The following FSHR variants were observed in gnomAD, a reference collection of about 807,000 sequenced individuals.
The protein encoded by FSHR is follicle-stimulating hormone receptor.
In FSHR, 46 loss-of-function variants were observed where a neutral mutation model predicts 52.1. The ratio of observed to expected loss-of-function variants is 0.88; its 90% confidence interval spans 0.70 to 1.13. The LOEUF is 1.13. Among genes scored for constraint, FSHR ranks in the 50% most tolerant of loss-of-function variants. The pLI, the probability that FSHR is intolerant of heterozygous loss-of-function variation, is 0.00. For missense variants in FSHR, 964 were observed against 834.6 expected (o/e 1.16, Z -1.91); for synonymous variants, 399 against 309.6 (o/e 1.29, Z -3.03).
Position 48,962,610 on chromosome 2 carries a change from A to G in FSHR, c.*123T>C. ...ATAGTTCCTGACCAATTTACCTTAA[A>G]GGTATGCCAGGAATATTAAATTAGA... On this transcript the variant is annotated 3_prime_UTR_variant, in exon 10 of 10. Transcript: ENST00000406846. 1.0e-6 allele frequency: 1 copy of G among 988,468 alleles called. No homozygotes were observed. The highest frequency in any genetic ancestry group is 1.4e-5 in the South Asian group (1 of 69,804). 61.2% of individuals were successfully genotyped at this position (988,468 alleles called of 1,614,324 possible).
chr2:48,989,579 C>T (rs904889486), intron 5 of FSHR, among the ~76,000 whole-genome samples: 4 of 152,190 alleles, frequency 2.6e-5, no homozygotes, highest in Admixed American at 2.6e-4. Flanking sequence ...CTGTGCATGG[C>T]TTACTTTTTT....
At chr2:49,105,342 C>T (rs1261428589) in intron 1 of FSHR, among the ~76,000 whole-genome samples, 1 of 152,044 alleles carries the variant, frequency 6.6e-6, no homozygotes, top group Non-Finnish European at 1.5e-5. Context: ...CCTTAGTTTT[C>T]TCCACCACCT....
intron 2 of FSHR, chr2:49,059,681 C>G (rs1316640231): frequency 6.6e-6 from 1 of 152,304 alleles, no homozygotes; most frequent in Non-Finnish European, 1.5e-5. Context: ...ACAGATGCCC[C>G]CTTTCACCTC....
intron 2 of FSHR, among the ~76,000 whole-genome samples, chr2:49,030,017 G>A (rs943269810): frequency 2.0e-5 from 3 of 152,170 alleles, no homozygotes; most frequent in Admixed American, 1.3e-4. Flanking sequence ...TTATGGCACT[G>A]CATCTTTGGG....
intron 1 of FSHR, among the ~76,000 whole-genome samples, chr2:49,115,337 T>G (rs1308863692): frequency 1.3e-5 from 2 of 152,064 alleles, no homozygotes; most frequent in African/African-American, 4.8e-5. Flanking sequence ...CACACCAAGG[T>G]CAAGGTCATT....
chr2:49,067,116 T>A (rs1669534699), intron 2 of FSHR, among the ~76,000 whole-genome samples: 2 of 152,068 alleles, frequency 1.3e-5, no homozygotes, highest in African/African-American at 2.4e-5. Flanking sequence ...TTTTTAAAAC[T>A]CCTCTCTTAA....
intron 1 of FSHR, among the ~76,000 whole-genome samples, chr2:49,096,087 C>T (rs1353585792): frequency 4.6e-5 from 7 of 152,142 alleles, no homozygotes; most frequent in African/African-American, 1.4e-4. Context: ...ACATTGAGTT[C>T]CCATATAATC....
Position 48,982,979 on chromosome 2 carries a change from T to C in FSHR, c.601A>G (p.Ser201Gly), listed in dbSNP as rs762364329. ...AATTCTTCTAAATTATTATTATCGCTTAGATTCCTGGGGATGGGGTTGAGG... is the reference window on the plus strand; with the variant it reads ...AATTCTTCTAAATTATTATTATCGCCTAGATTCCTGGGGATGGGGTTGAGG... Reference protein sequence around the residue: ...NGTQLDELNLSDNNNLEELPN... With the variant: ...NGTQLDELNLGDNNNLEELPN... The change falls in exon 8 of 10, where the codon AGC (serine) becomes GGC (glycine). Residue 201 changes from serine (S) to glycine (G), a missense_variant. Ser to Gly is a moderately conservative substitution (Grantham distance 56, BLOSUM62 0). Coordinates refer to ENST00000406846, the MANE Select transcript of FSHR (RefSeq NM_000145.4). The C allele has an allele frequency of 1.9e-6, 3 of 1,613,920 alleles. No homozygotes were observed. Among genetic ancestry groups the C allele is most frequent in the African/African-American group, 2.7e-5 (2 of 75,018 alleles).
At chr2:49,067,878 A>G (rs1669566670) in intron 2 of FSHR, among the ~76,000 whole-genome samples, 1 of 151,832 alleles carries the variant, frequency 6.6e-6, no homozygotes, top group South Asian at 2.1e-4. Context: ...ATTAATCATA[A>G]ATGGTAGAAA....
intron 1 of FSHR, among the ~76,000 whole-genome samples, chr2:49,146,933 C>T (rs1558467464): frequency 1.3e-5 from 2 of 152,002 alleles, no homozygotes; most frequent in Admixed American, 1.3e-4. Context: ...ACACAGGACT[C>T]TGTGATAACT....
intron 1 of FSHR, among the ~76,000 whole-genome samples, chr2:49,109,227 G>T (rs531262560): frequency 1.2e-4 from 19 of 152,158 alleles, no homozygotes; most frequent in Non-Finnish European, 2.4e-4. Context: ...ACTTTGATGA[G>T]ACTGGGAAGA....
intron 2 of FSHR, among the ~76,000 whole-genome samples, chr2:49,029,418 G>A (rs1187636954): frequency 6.6e-6 from 1 of 152,332 alleles, no homozygotes; most frequent in Non-Finnish European, 1.5e-5. Context: ...GGGTGTTAAG[G>A]TTAAGAAATT....
At chr2:48,969,559 C>T (rs1674638017) in intron 8 of FSHR, among the ~76,000 whole-genome samples, 1 of 148,914 alleles carries the variant, frequency 6.7e-6, no homozygotes, top group South Asian at 2.1e-4. Context: ...GACAAAAATC[C>T]TATGTGTACC....
chr2:49,072,745 G>A (rs1177857921), intron 1 of FSHR, among the ~76,000 whole-genome samples: 1 of 152,080 alleles, frequency 6.6e-6, no homozygotes, highest in Admixed American at 6.6e-5. Flanking sequence ...CATGGGTAAG[G>A]AGCTTTCTAC....
At chr2:48,977,406 GA>G (rs1384829297) in intron 8 of FSHR, among the ~76,000 whole-genome samples, 1 of 152,154 alleles carries the variant, frequency 6.6e-6, no homozygotes, top group Non-Finnish European at 1.5e-5. Context: ...TTAGTCTTGA[GA>G]ACCTTGATAC....
rs551937712 is a variant in FSHR at position 49,002,856 on chromosome 2, G to A, written c.375-12219C>T. Among the ~76,000 whole-genome samples the A allele has an allele frequency of 3.9e-5, 6 of 152,218 alleles. No individual in the cohort carries two copies. The East Asian group carries it at 1.2e-3, about 30-fold the overall frequency. ...CTTTGGATCTCCTGTAAAGAAAAGAGCTTATCCCTGATGTCTTGCTAAGTG... is the reference window on the plus strand; with the variant it reads ...CTTTGGATCTCCTGTAAAGAAAAGAACTTATCCCTGATGTCTTGCTAAGTG... On this transcript the variant is annotated intron_variant, in intron 4 of 9. Transcript: ENST00000406846.
chr2:48,991,754 T>A (rs1013340676), intron 4 of FSHR, among the ~76,000 whole-genome samples: 2 of 152,214 alleles, frequency 1.3e-5, no homozygotes, highest in African/African-American at 2.4e-5. Context: ...TTCTTTGTCA[T>A]TTCTCTAACA....
intron 1 of FSHR, among the ~76,000 whole-genome samples, chr2:49,104,862 G>T (rs1671166718): frequency 6.6e-6 from 1 of 151,176 alleles, no homozygotes; most frequent in Non-Finnish European, 1.5e-5. Flanking sequence ...GAGATGGGGG[G>T]AGGGGGGGCG....
chr2:49,082,950 A>G (rs151040317), intron 1 of FSHR, among the ~76,000 whole-genome samples: 29,147 of 151,280 alleles, frequency 0.19, 2,999 homozygotes, highest in East Asian at 0.28. Context: ...AACTTCCCCA[A>G]TCGAGCAAGG....
Sources: allele counts gnomAD v4.1 joint callset (sites outside exome capture counted in the v4.1 genomes callset), GRCh38; gene constraint gnomAD v4.1.1; transcripts MANE v1.5; gene names NCBI Gene and HGNC (gene_info 2026-07-23, HGNC 2026-07-21).